The following ATP13A4 variants were observed in gnomAD, a reference collection of about 807,000 sequenced individuals.
ATP13A4 encodes the protein ATPase 13A4, also known as probable cation-transporting ATPase 13A4.
A neutral mutation model predicts 142.5 loss-of-function variants in ATP13A4; 114 were observed. The observed-to-expected ratio is 0.80, with a 90% CI of 0.69 to 0.93. The LOEUF (loss-of-function observed/expected upper bound fraction) is 0.93, where lower values mean the gene tolerates loss of function less well. ATP13A4 is among the 40% of genes least tolerant of loss of function. The pLI is 0.00. For missense variants in ATP13A4, 1,392 were observed against 1,454.0 expected (o/e 0.96, Z 0.69); for synonymous variants, 488 against 514.8 (o/e 0.95, Z 0.70).
At chr3:193,524,691 C>T (rs921378350) in intron 1 of ATP13A4, among the ~76,000 whole-genome samples, 1 of 152,176 alleles carries the variant, frequency 6.6e-6, no homozygotes, top group Non-Finnish European at 1.5e-5. Context: ...CTACAAGTCA[C>T]TACCATATCT....
At chr3:193,555,123 G>A, upstream of ATP13A4, 1 of 418,334 alleles carries the variant, frequency 2.4e-6, no homozygotes, top group African/African-American at 2.0e-5. Flanking sequence ...CTCATTGCCT[G>A]CCCAGTGCCT....
intron 7 of ATP13A4, among the ~76,000 whole-genome samples, chr3:193,485,666 T>C (rs1719569787): frequency 1.3e-5 from 2 of 152,174 alleles, no homozygotes; most frequent in South Asian, 4.1e-4. Context: ...AATTCCTATG[T>C]TGAAATCCTA....
intron 2 of ATP13A4, among the ~76,000 whole-genome samples, chr3:193,567,748 T>C (rs1296175341): frequency 2.6e-5 from 4 of 152,136 alleles, no homozygotes; most frequent in Non-Finnish European, 5.9e-5. Flanking sequence ...TCTTCCAGGA[T>C]TTTTTATCTC....
chr3:193,541,346 AT>A, intron 1 of ATP13A4, among the ~76,000 whole-genome samples: 1 of 89,890 alleles, frequency 1.1e-5, no homozygotes, highest in South Asian at 2.8e-4. Flanking sequence ...ATATTATCTG[AT>A]CACAGATTAT....
At chr3:193,540,790 GA>G (rs11360544) in intron 1 of ATP13A4, among the ~76,000 whole-genome samples, 20,427 of 151,258 alleles carry the variant, frequency 0.14, 1,492 homozygotes, top group Non-Finnish European at 0.16. Context: ...AAATTTAATT[GA>G]AAAAAAAGGT....
intron 16 of ATP13A4, among the ~76,000 whole-genome samples, chr3:193,456,420 A>G (rs1279658203): frequency 6.6e-6 from 1 of 152,192 alleles, no homozygotes; most frequent in Non-Finnish European, 1.5e-5. Flanking sequence ...GAGGCATGAG[A>G]GTAAGCTGTG....
chr3:193,586,106 CACACACACACATAT>C (rs1227238392), intron 1 of ATP13A4, among the ~76,000 whole-genome samples: 84 of 142,048 alleles, frequency 5.9e-4, no homozygotes, highest in African/African-American at 2.1e-3. Context: ...CACACACACA[CACACACACACATAT>C]ACACACACAC....
chr3:193,403,387 C>G (rs1303630617), intron 29 of ATP13A4, among the ~76,000 whole-genome samples: 1 of 152,192 alleles, frequency 6.6e-6, no homozygotes, highest in East Asian at 1.9e-4. Context: ...GGTCCCAGTT[C>G]TGACACCTAT....
chr3:193,455,886 G>A (rs1002851171), intron 16 of ATP13A4, among the ~76,000 whole-genome samples: 8 of 152,324 alleles, frequency 5.3e-5, no homozygotes, highest in Middle Eastern at 3.4e-3. Context: ...GTCCTTTGCA[G>A]AGACCTGGAT....
intron 23 of ATP13A4, among the ~76,000 whole-genome samples, chr3:193,436,082 G>A (rs553131117): frequency 3.3e-5 from 5 of 152,216 alleles, no homozygotes; most frequent in Non-Finnish European, 7.3e-5. Flanking sequence ...ATTCACTAAT[G>A]AGATGCAGAA....
chr3:193,519,336 C>A (rs1477026778), intron 1 of ATP13A4, among the ~76,000 whole-genome samples: 2 of 152,298 alleles, frequency 1.3e-5, no homozygotes, highest in East Asian at 3.9e-4. Context: ...AGACAGAAAG[C>A]AGATTGCCCA....
chr3:193,541,236 G>C (rs1196448982), intron 1 of ATP13A4, among the ~76,000 whole-genome samples: 1 of 97,416 alleles, frequency 1.0e-5, no homozygotes, highest in Non-Finnish European at 2.3e-5. Context: ...GCGACAGAGC[G>C]AGACTCCTTC....
At chr3:193,471,104 T>C (rs1159183246) in intron 8 of ATP13A4, 111 bp from the exon 9 acceptor site, 1 of 1,427,508 alleles carries the variant, frequency 7.0e-7, no homozygotes, top group Non-Finnish European at 9.8e-7. Flanking sequence ...ATTTTTTTTT[T>C]AGAAAGGAGA....
intron 27 of ATP13A4, among the ~76,000 whole-genome samples, chr3:193,411,365 A>T (rs973516401): frequency 6.6e-6 from 1 of 152,212 alleles, no homozygotes; most frequent in Non-Finnish European, 1.5e-5. Flanking sequence ...CCTTGAAGAC[A>T]TCCAAGTATC....
chr3:193,538,507 A>AAAC (rs1553857124), intron 1 of ATP13A4, among the ~76,000 whole-genome samples: 1 of 151,400 alleles, frequency 6.6e-6, no homozygotes, highest in Non-Finnish European at 1.5e-5. Flanking sequence ...TAAAAAAAAA[A>AAAC]AAAAAAACCC....
chr3:193,481,008 G>A (rs1719259804), intron 8 of ATP13A4, among the ~76,000 whole-genome samples: 1 of 152,180 alleles, frequency 6.6e-6, no homozygotes, highest in African/African-American at 2.4e-5. Flanking sequence ...ATTATTCTAA[G>A]CGAAGTAACT....
chr3:193,425,494 A>G (rs766016934), intron 25 of ATP13A4, among the ~76,000 whole-genome samples: 1 of 151,784 alleles, frequency 6.6e-6, no homozygotes, highest in Non-Finnish European at 1.5e-5. Context: ...AATAAAGAAC[A>G]TGTGGTATAC....
At chr3:193,554,399 G>C (rs1199692951) in intron 1 of ATP13A4, 2 of 366,068 alleles carry the variant, frequency 5.5e-6, no homozygotes, top group Admixed American at 4.0e-5. Flanking sequence ...TCCTAAAATT[G>C]TTAGGTGTTT....
At chr3:193,462,888 T>C (rs2108640915) in intron 12 of ATP13A4, 65 bp from the exon 13 acceptor site, 1 of 1,516,160 alleles carries the variant, frequency 6.6e-7, no homozygotes, top group Non-Finnish European at 9.1e-7. Flanking sequence ...CTCATGCCTG[T>C]AATCCCAGCA....
Sources: gnomAD v4.1 joint callset for allele counts (sites outside exome capture counted in the v4.1 genomes callset) on GRCh38, gnomAD v4.1.1 for gene constraint, MANE v1.5 for transcripts, NCBI Gene and HGNC (gene_info 2026-07-23, HGNC 2026-07-21) for gene names.